The following ANKEF1 variants were observed in gnomAD, a reference collection of about 807,000 sequenced individuals.
ANKEF1 encodes ankyrin repeat and EF-hand domain-containing protein 1.
In ANKEF1, 43 loss-of-function variants were observed where a neutral mutation model predicts 65.1. The ratio of observed to expected loss-of-function variants is 0.66; its 90% CI spans 0.52 to 0.85. The LOEUF (loss-of-function observed/expected upper bound fraction) is 0.85. ANKEF1 is among the 40% of genes least tolerant of loss of function. ANKEF1 has a pLI of 0.00. For missense variants in ANKEF1, 934 were observed against 952.9 expected (o/e 0.98, Z 0.26); for synonymous variants, 316 against 341.5 (o/e 0.93, Z 0.82).
At chr20:10,047,475 A>G (rs923370337) in intron 6 of ANKEF1, among the ~76,000 whole-genome samples, 1 of 152,224 alleles carries the variant, frequency 6.6e-6, no homozygotes, top group East Asian at 1.9e-4. Flanking sequence ...TTGTTTCTGA[A>G]TAAGCTCCCT....
intron 2 of ANKEF1, among the ~76,000 whole-genome samples, chr20:10,037,145 T>C (rs926146480): frequency 6.6e-6 from 1 of 152,210 alleles, no homozygotes; most frequent in African/African-American, 2.4e-5. Flanking sequence ...TGGAATCTTT[T>C]CATTGCAAAT....
Position 10,043,147 on chromosome 20 carries a change from G to A in ANKEF1, c.372G>A (p.Pro124=), listed in dbSNP as rs1249948656. 8 of 1,613,798 alleles carry A rather than the reference G, an allele frequency of 5.0e-6. No individual in the cohort carries two copies. Among genetic ancestry groups the A allele is most frequent in the East Asian group, 2.2e-5 (1 of 44,886 alleles). The change falls in exon 4 of 11, where the codon CCG becomes CCA. Residue 124 remains proline, a synonymous_variant. Transcript: ENST00000378392. The part of the protein sequence containing the change: ...GKGVLFYCIL[P]TKRHYRCALI... ...GTGTTTTGTTTTACTGCATTTTACC[G>A]ACTAAGCGGCATTATCGCTGTGCTC... is the stretch of plus-strand genomic sequence containing the variant.
At chr20:10,043,413 G>C (rs1984315580) in intron 4 of ANKEF1, 92 bp downstream of exon 4, 1 of 1,176,586 alleles carries the variant, frequency 8.5e-7, no homozygotes, top group East Asian at 2.4e-5. Context: ...TATCCTGTTA[G>C]CTGATAGACT....
At position 10,049,652 on chromosome 20, in the gene ANKEF1, GGTGTTGGAGGAAA is replaced by G; in HGVS notation, c.1085_1097del (p.Val362GlyfsTer37). On this transcript the variant is annotated frameshift_variant, in exon 7 of 11. Transcript: ENST00000378392. LOFTEE classifies it high-confidence loss of function. ...GCATCAGCAAGAACGACTTCGTGATGGTGTTGGAGGAAAGGCAGGATTATGCAAGCTCAGAACA... is the reference window on the plus strand; with the variant it reads ...GCATCAGCAAGAACGACTTCGTGATGGGCAGGATTATGCAAGCTCAGAACA... 1 of 1,614,142 alleles carries G rather than the reference GGTGTTGGAGGAAA, an allele frequency of 6.2e-7. No individual in the cohort carries two copies. Among genetic ancestry groups the G allele is most frequent in the South Asian group, 1.1e-5 (1 of 91,084 alleles).
chr20:10,053,020 A>T, intron 8 of ANKEF1, 92 bp from the exon 9 acceptor site: 1 of 1,291,514 alleles, frequency 7.7e-7, no homozygotes, highest in Non-Finnish European at 1.0e-6. Flanking sequence ...TTATTAGGGC[A>T]GGCTTAGAGC....
At chr20:10,047,305 A>G (rs1443266640) in intron 6 of ANKEF1, among the ~76,000 whole-genome samples, 2 of 152,234 alleles carry the variant, frequency 1.3e-5, no homozygotes, top group African/African-American at 4.8e-5. Flanking sequence ...ATGTTTGAAA[A>G]TGTTCTGAGT....
At position 10,054,459 on chromosome 20, in the gene ANKEF1, C is replaced by T; in HGVS notation, c.2035-3C>T. ...TTTATAATTTTTTTGTTCTTGTTTC[C>T]AGGAACTGCTGTCATCAATTTATGG... On this transcript the variant is annotated splice_polypyrimidine_tract_variant and splice_region_variant and intron_variant, in intron 9 of 10. Coordinates refer to ENST00000378392, the MANE Select transcript of ANKEF1 (RefSeq NM_022096.6). 3 of 1,521,562 alleles carry T rather than the reference C, an allele frequency of 2.0e-6. No homozygotes were observed. The highest frequency in any genetic ancestry group is 1.3e-5 in the South Asian group (1 of 76,404). 94.3% of individuals were successfully genotyped at this position (1,521,562 alleles called of 1,614,324 possible).
At chr20:10,055,381 A>G in intron 10 of ANKEF1, 121 bp from the exon 11 acceptor site, 1 of 864,810 alleles carries the variant, frequency 1.2e-6, no homozygotes, top group South Asian at 1.8e-5. Flanking sequence ...TAATAGTTTT[A>G]AGTTAAAACT....
At chr20:10,051,046 C>T (rs1046601339) in intron 7 of ANKEF1, among the ~76,000 whole-genome samples, 6 of 152,044 alleles carry the variant, frequency 3.9e-5, no homozygotes, top group Non-Finnish European at 8.8e-5. Context: ...ATTTTTGTGC[C>T]TCAGTTCTGT....
At position 10,056,051 on chromosome 20, in the gene ANKEF1, C is replaced by G. The variant is rs1201312450; in HGVS notation, c.*391C>G. The G allele has an allele frequency of 6.3e-6, 1 of 158,518 alleles. No individual in the cohort carries two copies. The highest frequency in any genetic ancestry group is 2.4e-5 in the African/African-American group (1 of 41,504). 9.8% of individuals were successfully genotyped at this position (158,518 alleles called of 1,614,324 possible). On this transcript the variant is annotated 3_prime_UTR_variant, in exon 11 of 11. Transcript: ENST00000378392. Reference sequence around the variant, plus strand: ...CCAGCTGGTCTCGAACTCTTGAGCTCAGGCAGTCCTCCCAACTTGGCCGTC... The same window carrying G: ...CCAGCTGGTCTCGAACTCTTGAGCTGAGGCAGTCCTCCCAACTTGGCCGTC...
At chr20:10,037,701 A>G (rs1983939226) in intron 2 of ANKEF1, among the ~76,000 whole-genome samples, 1 of 152,006 alleles carries the variant, frequency 6.6e-6, no homozygotes, top group African/African-American at 2.4e-5. Context: ...GCCCATCACA[A>G]TTTAACAGGG....
Position 10,044,389 on chromosome 20 carries a change from T to A in ANKEF1, c.547-5T>A. On this transcript the variant is annotated splice_polypyrimidine_tract_variant and splice_region_variant and intron_variant, in intron 4 of 10. Transcript: ENST00000378392. ...GCATCTCATATTGGACTATTTCATG[T>A]CCAGTCCACAGGCCGCACAGCTTTA... 6.2e-7 allele frequency: 1 copy of A among 1,613,804 alleles called. No homozygotes were observed. The highest frequency in any genetic ancestry group is 2.2e-5 in the East Asian group (1 of 44,874).
At chr20:10,054,135 T>C (rs1436324701) in intron 9 of ANKEF1, among the ~76,000 whole-genome samples, 1 of 152,088 alleles carries the variant, frequency 6.6e-6, no homozygotes, top group Non-Finnish European at 1.5e-5. Context: ...CTTATAAACA[T>C]GGAGGATGTT....
chr20:10,043,882 C>T (rs1162360754), intron 4 of ANKEF1, among the ~76,000 whole-genome samples: 6 of 151,876 alleles, frequency 4.0e-5, no homozygotes, highest in African/African-American at 1.2e-4. Context: ...AGGCTGATTT[C>T]GAATTCTTGG....
At position 10,057,513 on chromosome 20, in the gene ANKEF1, GCTCTAT is replaced by G. The variant is rs1250592349; in HGVS notation, c.*1858_*1863del. On this transcript the variant is annotated 3_prime_UTR_variant, in exon 11 of 11. Coordinates refer to ENST00000378392, the MANE Select transcript of ANKEF1 (RefSeq NM_022096.6). ...TAAATGTTAACCACTTACCACATTTGCTCTATCTCTTTCTCCCTCTACATATATGCA... is the reference window on the plus strand; with the variant it reads ...TAAATGTTAACCACTTACCACATTTGCTCTTTCTCCCTCTACATATATGCA... The G allele has an allele frequency of 2.0e-5, 3 of 152,060 alleles. No individual in the cohort carries two copies. The highest frequency in any genetic ancestry group is 7.2e-5 in the African/African-American group (3 of 41,404). 9.4% of individuals were successfully genotyped at this position (152,060 alleles called of 1,614,324 possible).
At chr20:10,054,345 G>A (rs976581650) in intron 9 of ANKEF1, 117 bp from the exon 10 acceptor site, 1 of 759,852 alleles carries the variant, frequency 1.3e-6, no homozygotes. Flanking sequence ...ATTATAACTT[G>A]TACAGTAGCA....
intron 10 of ANKEF1, 119 bp from the exon 11 acceptor site, chr20:10,055,383 G>T (rs191778487): frequency 2.2e-6 from 2 of 909,332 alleles, no homozygotes; most frequent in East Asian, 2.6e-5. Context: ...ATAGTTTTAA[G>T]TTAAAACTAT....
In ANKEF1 at chr20:10,058,069, G is replaced by A. The variant is rs1019600839; in HGVS notation, c.*2409G>A. Reference sequence around the variant, plus strand: ...CACCCTTCTCAGTACATCATATCAGGAGGCACATGATGTTGATACCTGATA... The same window carrying A: ...CACCCTTCTCAGTACATCATATCAGAAGGCACATGATGTTGATACCTGATA... On this transcript the variant is annotated 3_prime_UTR_variant, in exon 11 of 11. Coordinates refer to ENST00000378392, the MANE Select transcript of ANKEF1 (RefSeq NM_022096.6). 2.8e-4 allele frequency: 42 copies of A among 152,130 alleles called. No homozygotes were observed. The highest frequency in any genetic ancestry group is 9.4e-4 in the African/African-American group (39 of 41,448). The allele number at this position is 152,130 out of a possible 1,614,324, so 9.4% of individuals were successfully genotyped here.
chr20:10,042,126 C>T (rs745465065), intron 3 of ANKEF1, among the ~76,000 whole-genome samples: 1 of 152,118 alleles, frequency 6.6e-6, no homozygotes, highest in African/African-American at 2.4e-5. Flanking sequence ...GTTGACTGTT[C>T]TTAATCAACT....
Sources: gnomAD v4.1 joint callset for allele counts (sites outside exome capture counted in the v4.1 genomes callset) on GRCh38, gnomAD v4.1.1 for gene constraint, MANE v1.5 for transcripts, NCBI Gene and HGNC (gene_info 2026-07-23, HGNC 2026-07-21) for gene names.